IQGAP2: variants seen among roughly 807,000 people sequenced by gnomAD.
The protein encoded by IQGAP2 is ras GTPase-activating-like protein IQGAP2.
A neutral mutation model predicts 201.3 loss-of-function variants in IQGAP2; 173 were observed. That is an observed-to-expected ratio of 0.86 (90% CI 0.76 to 0.98). The LOEUF (loss-of-function observed/expected upper bound fraction) is 0.98. Among genes scored for constraint, IQGAP2 ranks in the 50% least tolerant of loss-of-function variants. The pLI, the probability that IQGAP2 is intolerant of heterozygous loss-of-function variation, is 0.00. For synonymous variants in IQGAP2, 675 were observed against 673.9 expected, an observed-to-expected ratio of 1.00 and a Z score of -0.03; for missense variants, 1,687 against 1,864.8, an observed-to-expected ratio of 0.90 and a Z score of 1.76.
At chr5:76,705,115 G>C (rs1175841836) in intron 35 of IQGAP2, among the ~76,000 whole-genome samples, 1 of 152,094 alleles carries the variant, frequency 6.6e-6, no homozygotes, top group African/African-American at 2.4e-5. Flanking sequence ...TCCTCTCCTA[G>C]ATGAAGAACT....
At chr5:76,419,008 T>C (rs886097009) in intron 1 of IQGAP2, among the ~76,000 whole-genome samples, 1 of 152,214 alleles carries the variant, frequency 6.6e-6, no homozygotes, top group African/African-American at 2.4e-5. Context: ...TAATTCATAG[T>C]TGTCAACCTG....
intron 13 of IQGAP2, chr5:76,615,488 TA>T (rs1387126541): frequency 6.6e-6 from 1 of 152,246 alleles, no homozygotes; most frequent in Non-Finnish European, 1.5e-5. Flanking sequence ...AATATGCATT[TA>T]AAATTGTTTT....
chr5:76,413,849 T>C (rs903042741), intron 1 of IQGAP2, among the ~76,000 whole-genome samples: 7 of 152,224 alleles, frequency 4.6e-5, no homozygotes, highest in African/African-American at 1.4e-4. Context: ...CTTCAGAATG[T>C]AGAGTTTGAC....
chr5:76,702,944 C>A, intron 35 of IQGAP2, among the ~76,000 whole-genome samples: 1 of 149,280 alleles, frequency 6.7e-6, no homozygotes, highest in Admixed American at 6.8e-5. Flanking sequence ...CTATGTATGC[C>A]CAGGACTGGA....
intron 30 of IQGAP2, among the ~76,000 whole-genome samples, chr5:76,684,550 A>G (rs936235248): frequency 1.3e-5 from 2 of 152,214 alleles, no homozygotes; most frequent in Non-Finnish European, 2.9e-5. Flanking sequence ...ATACAACACC[A>G]TAAATCAAAA....
At chr5:76,652,425 G>A (rs913679226) in intron 17 of IQGAP2, among the ~76,000 whole-genome samples, 11 of 140,486 alleles carry the variant, frequency 7.8e-5, no homozygotes, top group African/African-American at 2.4e-4. Context: ...ACTGTTTATG[G>A]GTTTTGGAGA....
At chr5:76,488,962 GTTGTTCCTC>G (rs1266190955) in intron 2 of IQGAP2, among the ~76,000 whole-genome samples, 2 of 152,182 alleles carry the variant, frequency 1.3e-5, no homozygotes, top group Non-Finnish European at 2.9e-5. Flanking sequence ...TGATGTAGGT[GTTGTTCCTC>G]CCTTCAGGTA....
At chr5:76,545,972 A>G (rs1454982362) in intron 2 of IQGAP2, among the ~76,000 whole-genome samples, 2 of 152,150 alleles carry the variant, frequency 1.3e-5, no homozygotes, top group Non-Finnish European at 2.9e-5. Context: ...TTGTGGTTAC[A>G]TGCGTATCAT....
intron 9 of IQGAP2, 34 bp from the exon 10 acceptor site, chr5:76,597,405 A>G (rs1286429148): frequency 5.0e-6 from 8 of 1,610,470 alleles, no homozygotes; most frequent in Non-Finnish European, 6.8e-6. Flanking sequence ...GGAAAGAGCA[A>G]CCATTCTGAC....
intron 1 of IQGAP2, among the ~76,000 whole-genome samples, chr5:76,442,851 G>T (rs960355516): frequency 2.0e-5 from 3 of 152,156 alleles, no homozygotes; most frequent in Non-Finnish European, 4.4e-5. Context: ...GCCAGGCATG[G>T]TGGTGGGTGC....
At position 76,623,351 on chromosome 5, in the gene IQGAP2, G is replaced by A. The variant is rs111763759; in HGVS notation, c.1522-4059G>A. The A allele has an allele frequency of 2.1e-4, 242 of 1,173,804 alleles. 1 individual carries two copies. In the African/African-American group the frequency reaches 3.1e-3, roughly 15 times the overall value. 72.7% of individuals were successfully genotyped at this position (1,173,804 alleles called of 1,614,324 possible). ...AGCCTTGGTCTGTCTGTAGAAGTTT[G>A]CTCTCCTGTGCCGTGCAGGCAGGAA... On this transcript the variant is annotated intron_variant, in intron 13 of 35. Coordinates refer to ENST00000274364, the MANE Select transcript of IQGAP2 (RefSeq NM_006633.5).
chr5:76,417,715 G>A (rs919413406), intron 1 of IQGAP2, among the ~76,000 whole-genome samples: 16 of 151,840 alleles, frequency 1.1e-4, no homozygotes, highest in African/African-American at 3.6e-4. Context: ...CAAATAGCTG[G>A]GATTACAGGT....
At chr5:76,409,646 G>A (rs185133730) in intron 1 of IQGAP2, among the ~76,000 whole-genome samples, 2 of 152,104 alleles carry the variant, frequency 1.3e-5, no homozygotes, top group Non-Finnish European at 2.9e-5. Flanking sequence ...GAAGTGAAAG[G>A]CTTTTCCATA....
At chr5:76,668,899 G>A (rs1744040526) in intron 23 of IQGAP2, 55 bp downstream of exon 23, 2 of 1,118,438 alleles carry the variant, frequency 1.8e-6, no homozygotes, top group African/African-American at 3.2e-5. Context: ...TTTTGTTAGT[G>A]GTGGCTGTCT....
rs758411105 is a variant in IQGAP2 at position 76,693,374 on chromosome 5, G to T, written c.3925G>T (p.Asp1309Tyr). 6.2e-7 allele frequency: 1 copy of T among 1,613,554 alleles called. No individual in the cohort carries two copies. The highest frequency in any genetic ancestry group is 2.2e-5 in the East Asian group (1 of 44,860). The change falls in exon 31 of 36, where the codon GAT (aspartate) becomes TAT (tyrosine). Residue 1309 changes from aspartate (D) to tyrosine (Y), a missense_variant. Coordinates refer to ENST00000274364, the MANE Select transcript of IQGAP2 (RefSeq NM_006633.5). ...GTTAAGGACCAAGAAGCTGATAATT[G>T]ATGTGATCCGGAACCAGCCAGGGAA... Reference protein sequence around the residue: ...LMIKTKKLIIDVIRNQPGNTL... With the variant: ...LMIKTKKLIIYVIRNQPGNTL...
rs191267036 is a variant in IQGAP2, at chr5:76,583,998, T to C, written c.459-4908T>C. The stretch of plus-strand genomic sequence containing the variant: ...AGCAATTCTCCTGCCTCAGCCTCCC[T>C]AGTAGCTGGGATTACAGGCGTGTGC... On this transcript the variant is annotated intron_variant, in intron 5 of 35. Transcript: ENST00000274364. 5.2e-3 allele frequency among the ~76,000 whole-genome samples: 790 copies of C among 151,958 alleles called. 8 individuals carry two copies. The highest frequency in any genetic ancestry group is 0.018 in the African/African-American group (758 of 41,476).
chr5:76,546,785 G>A (rs186869667), intron 2 of IQGAP2, among the ~76,000 whole-genome samples: 19 of 152,268 alleles, frequency 1.2e-4, no homozygotes, highest in Admixed American at 1.1e-3. Context: ...TGGTGCTTGG[G>A]ATGCTCCTCC....
chr5:76,404,550 G>A, intron 1 of IQGAP2: 1 of 927,182 alleles, frequency 1.1e-6, no homozygotes, highest in African/African-American at 1.8e-5. Flanking sequence ...TTTGGGTTAA[G>A]GTGGTGATAC....
rs115573891 is a variant in IQGAP2 at position 76,416,232 on chromosome 5, G to C, written c.46+12641G>C. 3.2e-3 allele frequency among the ~76,000 whole-genome samples: 490 copies of C among 152,310 alleles called. 1 individual carries two copies. The highest frequency in any genetic ancestry group is 6.8e-3 in the Middle Eastern group (2 of 294). ...TGATCACAGCCTGTATAAAATAATA[G>C]GAAGCTTTGGAGTGTCTCTCAGCTG... On this transcript the variant is annotated intron_variant, in intron 1 of 35. Transcript: ENST00000274364.
Sources: allele counts gnomAD v4.1 joint callset (sites outside exome capture counted in the v4.1 genomes callset), GRCh38; gene constraint gnomAD v4.1.1; transcripts MANE v1.5; gene names NCBI Gene and HGNC (gene_info 2026-07-23, HGNC 2026-07-21).